The following PARG variants were observed in gnomAD, a reference collection of about 807,000 sequenced individuals.
PARG encodes poly(ADP-ribose) glycohydrolase, also known as mitochondrial poly(ADP-ribose) glycohydrolase.
PARG carries 35 observed loss-of-function variants against 113.0 expected under a neutral mutation model. The observed-to-expected ratio is 0.31, with a 90% CI of 0.24 to 0.41. The LOEUF (loss-of-function observed/expected upper bound fraction) is 0.41, where lower values mean the gene tolerates loss of function less well. Ranked by LOEUF, PARG falls within the 10% of genes least tolerant of loss-of-function variation. The pLI is 1.00. For missense variants in PARG, 797 were observed against 1,169.4 expected (o/e 0.68, Z 4.64); for synonymous variants, 330 against 409.9 (o/e 0.81, Z 2.36).
At chr10:49,891,621 ATATTTTTTTTTTT>A (rs1309991268) in intron 7 of PARG, among the ~76,000 whole-genome samples, 5 of 43,292 alleles carry the variant, frequency 1.2e-4, no homozygotes, top group African/African-American at 6.0e-4. Flanking sequence ...ATATATATAT[ATATTTTTTTTTTT>A]TTTTTTTTTT....
At chr10:49,831,531 T>C (rs1588870655) in intron 16 of PARG, among the ~76,000 whole-genome samples, 1 of 152,138 alleles carries the variant, frequency 6.6e-6, no homozygotes, top group Non-Finnish European at 1.5e-5. Flanking sequence ...CGATTCAGAT[T>C]GCACATCCGG....
Position 49,840,249 on chromosome 10 carries a change from G to T in PARG, c.2541+1701C>A, listed in dbSNP as rs541022689. 1.6e-4 allele frequency among the ~76,000 whole-genome samples: 24 copies of T among 152,166 alleles called. No individual in the cohort carries two copies. In the South Asian group the frequency reaches 5.0e-3, roughly 32 times the overall value. On this transcript the variant is annotated intron_variant, in intron 15 of 17. Coordinates refer to ENST00000616448, the MANE Select transcript of PARG (RefSeq NM_003631.5). Reference sequence around the variant, plus strand: ...TCTAAAAAAGAAAAATTAGCCAGGTGTGGTGGTGCACACCTGTACTCCTAG... The same window carrying T: ...TCTAAAAAAGAAAAATTAGCCAGGTTTGGTGGTGCACACCTGTACTCCTAG...
chr10:49,839,070 C>G (rs545496698), intron 15 of PARG, among the ~76,000 whole-genome samples: 20 of 152,184 alleles, frequency 1.3e-4, no homozygotes, highest in Admixed American at 1.0e-3. Context: ...GGCGTGGTGG[C>G]TCACGCCTGT....
In PARG at chr10:49,896,853, T is replaced by C. The variant is rs192105272; in HGVS notation, c.1738-11558A>G. ...AAAGTGCTCCCTCCTCCTCTCTTAT[T>C]TGAGTTTCTGTGAACTTAGTATTAT... On this transcript the variant is annotated intron_variant, in intron 7 of 17. Coordinates refer to ENST00000616448, the MANE Select transcript of PARG (RefSeq NM_003631.5). Among the ~76,000 whole-genome samples, 370 of 152,334 alleles carry C rather than the reference T, an allele frequency of 2.4e-3. 2 individuals are homozygous for C. The highest frequency in any genetic ancestry group is 8.6e-3 in the African/African-American group (358 of 41,578).
intron 7 of PARG, among the ~76,000 whole-genome samples, chr10:49,895,092 T>C (rs1329704988): frequency 1.6e-4 from 24 of 152,190 alleles, no homozygotes; most frequent in African/African-American, 5.5e-4. Flanking sequence ...CATAATCCAG[T>C]GTGGCCTCAT....
chr10:49,902,438 C>T (rs7902104), intron 7 of PARG, among the ~76,000 whole-genome samples: 66 of 152,144 alleles, frequency 4.3e-4, no homozygotes, highest in African/African-American at 1.5e-3. Context: ...CATTCATCCC[C>T]CTTTTGCATG....
chr10:49,843,891 G>C (rs1156846184), intron 13 of PARG, among the ~76,000 whole-genome samples: 2 of 152,212 alleles, frequency 1.3e-5, no homozygotes, highest in African/African-American at 2.4e-5. Flanking sequence ...CAGGCGCAGT[G>C]GCTCATGCCT....
intron 4 of PARG, among the ~76,000 whole-genome samples, chr10:49,925,744 A>G (rs534021924): frequency 6.6e-6 from 1 of 152,380 alleles, no homozygotes; most frequent in South Asian, 2.1e-4. Flanking sequence ...GAGCCCTCTT[A>G]GGGGCCTGCC....
At chr10:49,821,705 G>T (rs1554828690) in intron 16 of PARG, among the ~76,000 whole-genome samples, 1 of 152,098 alleles carries the variant, frequency 6.6e-6, no homozygotes, top group African/African-American at 2.4e-5. Flanking sequence ...TTACAGTTTT[G>T]ATTTTTGACA....
intron 10 of PARG, among the ~76,000 whole-genome samples, chr10:49,869,148 TAA>T (rs1846667568): frequency 2.7e-5 from 4 of 149,896 alleles, no homozygotes; most frequent in African/African-American, 9.8e-5. Context: ...AATACTTCTT[TAA>T]ATAAAGAGCA....
chr10:49,927,533 CCAA>C (rs1838268163), intron 4 of PARG, among the ~76,000 whole-genome samples: 2 of 151,774 alleles, frequency 1.3e-5, no homozygotes, highest in African/African-American at 4.8e-5. Context: ...TTGAGGAACT[CCAA>C]CAACACTTAC....
At chr10:49,893,683 T>G (rs1336900834) in intron 7 of PARG, among the ~76,000 whole-genome samples, 1 of 151,390 alleles carries the variant, frequency 6.6e-6, no homozygotes, top group African/African-American at 2.4e-5. Context: ...CCTGGCTAAT[T>G]TTTGACTTTT....
chr10:49,933,798 G>A lies in PARG; in HGVS notation c.650C>T (p.Ala217Val), dbSNP rs1838610874. ...NQQFLTTVKL[A>V]NAKQTTEDEQ... ...ATCTTCTGTAGTCTGCTTTGCATTT[G>A]CAAGCTTTACAGTTGTGAGAAACTG... The change falls in exon 3 of 18, where the codon GCA becomes GTA. Residue 217 changes from alanine (A) to valine (V), a missense_variant. Transcript: ENST00000616448. The A allele has an allele frequency of 1.7e-5, 27 of 1,613,108 alleles. 1 individual carries two copies. The South Asian group carries it at 3.0e-4, about 18-fold the overall frequency.
chr10:49,914,941 T>C (rs1434413647), intron 7 of PARG, among the ~76,000 whole-genome samples: 1 of 152,118 alleles, frequency 6.6e-6, no homozygotes, highest in East Asian at 1.9e-4. Context: ...TAACTCGAAA[T>C]GGATATTCAC....
Position 49,933,309 on chromosome 10 carries a change from T to C in PARG, c.1139A>G (p.Asn380Ser). ...FEGGESRTGM[N>S]DLNAKLPGNI... The stretch of plus-strand genomic sequence containing the variant: ...TCCAGGTAGTTTAGCATTTAAATCA[T>C]TCATTCCAGTGCGACTCTCTCCTCC... Residue 380 changes from asparagine (N) to serine (S), a missense_variant, in exon 3 of 18, where the codon AAT becomes AGT. Physicochemically the swap from Asn to Ser is conservative, Grantham distance 46. Transcript: ENST00000616448. The C allele has an allele frequency of 6.2e-7, 1 of 1,610,856 alleles. No homozygotes were observed. Among genetic ancestry groups the C allele is most frequent in the Non-Finnish European group, 8.5e-7 (1 of 1,177,518 alleles).
In PARG at chr10:49,936,132, AT is replaced by A. The variant is rs71274775; in HGVS notation, c.218-991del. Among the ~76,000 whole-genome samples the A allele has an allele frequency of 4.1e-3, 604 of 149,122 alleles. 6 individuals carry two copies. Among genetic ancestry groups the A allele is most frequent in the African/African-American group, 0.014 (565 of 40,890 alleles). On this transcript the variant is annotated intron_variant, in intron 1 of 17. Coordinates refer to ENST00000616448, the MANE Select transcript of PARG (RefSeq NM_003631.5). The stretch of plus-strand genomic sequence containing the variant: ...GAAGGCATGAGGGGAGCTGGAATCT[AT>A]TTTTTTTTTTCCAAAAGTGATTCTG...
At chr10:49,920,464 ATATAT>A (rs782601272) in intron 6 of PARG, among the ~76,000 whole-genome samples, 2,137 of 45,592 alleles carry the variant, frequency 0.047, 73 homozygotes, top group South Asian at 0.092. Flanking sequence ...AAAAAAAAAA[ATATAT>A]ATATATATAT....
chr10:49,934,353 C>A (rs1838640435), intron 2 of PARG, among the ~76,000 whole-genome samples, 190 bp from the exon 3 acceptor site: 2 of 152,176 alleles, frequency 1.3e-5, no homozygotes, highest in Admixed American at 1.3e-4. Context: ...CTGGCAAACA[C>A]CCGCCTTTCC....
At chr10:49,873,338 T>C (rs1300938505) in intron 9 of PARG, among the ~76,000 whole-genome samples, 1 of 85,060 alleles carries the variant, frequency 1.2e-5, no homozygotes, top group Non-Finnish European at 2.3e-5. Context: ...CACAATAAAA[T>C]GCTACATAAT....
Sources: gnomAD v4.1 joint callset for allele counts (sites outside exome capture counted in the v4.1 genomes callset) on GRCh38, gnomAD v4.1.1 for gene constraint, MANE v1.5 for transcripts, NCBI Gene and HGNC (gene_info 2026-07-23, HGNC 2026-07-21) for gene names.